Variants in MTMR7 observed in about 807,000 individuals in gnomAD.
MTMR7 encodes phosphatidylinositol-3-phosphate phosphatase MTMR7.
MTMR7 carries 76 observed loss-of-function variants against 81.2 expected under a neutral mutation model. The observed-to-expected ratio is 0.94, with a 90% CI of 0.78 to 1.13. The LOEUF (loss-of-function observed/expected upper bound fraction) is 1.13, where lower values mean the gene tolerates loss of function less well. Among genes scored for constraint, MTMR7 ranks in the 50% most tolerant of loss-of-function variants. MTMR7 has a pLI of 0.00. For synonymous variants in MTMR7, 372 were observed against 289.8 expected (o/e 1.28, Z -2.88); for missense variants, 1,044 against 820.0 (o/e 1.27, Z -3.34).
At chr8:17,312,313 G>A (rs1406089778) in intron 8 of MTMR7, among the ~76,000 whole-genome samples, 2 of 152,220 alleles carry the variant, frequency 1.3e-5, no homozygotes, top group Middle Eastern at 3.4e-3. Flanking sequence ...AGTGGCTCAC[G>A]CATGTAATCC....
intron 7 of MTMR7, among the ~76,000 whole-genome samples, chr8:17,328,574 G>A (rs956992980): frequency 1.3e-5 from 2 of 152,086 alleles, no homozygotes; most frequent in East Asian, 1.9e-4. Context: ...TGGCGGGGGT[G>A]GGGGAGTGGA....
intron 1 of MTMR7, among the ~76,000 whole-genome samples, chr8:17,386,365 G>A (rs1820943266): frequency 6.6e-6 from 1 of 152,342 alleles, no homozygotes; most frequent in South Asian, 2.1e-4. Flanking sequence ...GCAGCAGAGT[G>A]AGACCTTGTC....
At chr8:17,312,574 C>CAAAAAAAA (rs10617081) in intron 8 of MTMR7, among the ~76,000 whole-genome samples, 10 of 87,254 alleles carry the variant, frequency 1.1e-4, no homozygotes, top group African/African-American at 4.7e-4. Context: ...GACTCCCTCT[C>CAAAAAAAA]AAAAAAAAAA....
chr8:17,383,902 C>T (rs1321938228), intron 1 of MTMR7, among the ~76,000 whole-genome samples: 1 of 152,122 alleles, frequency 6.6e-6, no homozygotes, highest in Non-Finnish European at 1.5e-5. Context: ...CCAAGCCCCA[C>T]TTCTAACCAG....
chr8:17,351,911 A>G (rs1335190088), intron 4 of MTMR7, among the ~76,000 whole-genome samples: 3 of 152,218 alleles, frequency 2.0e-5, no homozygotes, highest in Non-Finnish European at 4.4e-5. Flanking sequence ...TAAAATAACA[A>G]TCCTACCTTG....
intron 7 of MTMR7, among the ~76,000 whole-genome samples, chr8:17,318,095 G>A (rs1318701590): frequency 6.6e-6 from 1 of 152,144 alleles, no homozygotes; most frequent in African/African-American, 2.4e-5. Context: ...CACTCAGGAT[G>A]ATGATGGGAA....
At chr8:17,309,689 C>A (rs1817680021) in intron 9 of MTMR7, among the ~76,000 whole-genome samples, 1 of 152,132 alleles carries the variant, frequency 6.6e-6, no homozygotes, top group Non-Finnish European at 1.5e-5. Context: ...CATATTCGCC[C>A]AAGATCATGC....
intron 7 of MTMR7, among the ~76,000 whole-genome samples, chr8:17,322,984 G>A (rs1414022097): frequency 8.3e-6 from 1 of 120,962 alleles, no homozygotes; most frequent in Non-Finnish European, 1.6e-5. Flanking sequence ...GTCTTGCTCT[G>A]TCGCCCAGGC....
rs185160008 is a variant in MTMR7 at position 17,378,193 on chromosome 8, G to A, written c.25-4953C>T. Among the ~76,000 whole-genome samples the A allele has an allele frequency of 3.3e-5, 5 of 152,198 alleles. No individual in the cohort carries two copies. The East Asian group carries it at 9.6e-4, about 29-fold the overall frequency. On this transcript the variant is annotated intron_variant, in intron 1 of 13. Transcript: ENST00000180173. ...TTGGCAATAGTTCCTACAGGTCCCAGAGCTGTCAAAAGTAATTTTGAAGAT... is the reference window on the plus strand; with the variant it reads ...TTGGCAATAGTTCCTACAGGTCCCAAAGCTGTCAAAAGTAATTTTGAAGAT...
chr8:17,398,461 A>C (rs913096652), intron 1 of MTMR7, among the ~76,000 whole-genome samples: 1 of 152,186 alleles, frequency 6.6e-6, no homozygotes, highest in African/African-American at 2.4e-5. Context: ...TAGAAGAAAA[A>C]AATTAGTGAG....
chr8:17,318,137 A>T (rs576544025), intron 7 of MTMR7, among the ~76,000 whole-genome samples: 1 of 152,236 alleles, frequency 6.6e-6, no homozygotes, highest in Admixed American at 6.5e-5. Context: ...GCATGAGGAA[A>T]ACAAAAATCT....
At chr8:17,362,224 C>T (rs572872710) in intron 3 of MTMR7, among the ~76,000 whole-genome samples, 30 of 152,250 alleles carry the variant, frequency 2.0e-4, no homozygotes, top group African/African-American at 7.0e-4. Flanking sequence ...TCAACATGTG[C>T]ATGATATAAA....
At chr8:17,340,266 C>A (rs1819366043) in intron 6 of MTMR7, among the ~76,000 whole-genome samples, 1 of 152,184 alleles carries the variant, frequency 6.6e-6, no homozygotes, top group East Asian at 1.9e-4. Context: ...ATTCTTTTAA[C>A]AAGATTAAAC....
intron 1 of MTMR7, among the ~76,000 whole-genome samples, chr8:17,373,887 T>C (rs1820494676): frequency 1.3e-5 from 2 of 152,208 alleles, no homozygotes; most frequent in South Asian, 4.1e-4. Context: ...AGCATACCTC[T>C]CTCATATGCA....
At chr8:17,317,875 C>G (rs2150501954) in intron 7 of MTMR7, among the ~76,000 whole-genome samples, 1 of 152,212 alleles carries the variant, frequency 6.6e-6, no homozygotes, top group South Asian at 2.1e-4. Context: ...TTTCCATGAC[C>G]TCCTCTTTCA....
At chr8:17,394,765 G>A (rs559878328) in intron 1 of MTMR7, among the ~76,000 whole-genome samples, 3 of 152,222 alleles carry the variant, frequency 2.0e-5, no homozygotes, top group Non-Finnish European at 4.4e-5. Context: ...TTAACTGAGT[G>A]TCTGACATCA....
At chr8:17,378,292 T>A (rs1387577938) in intron 1 of MTMR7, among the ~76,000 whole-genome samples, 1 of 152,206 alleles carries the variant, frequency 6.6e-6, no homozygotes, top group Non-Finnish European at 1.5e-5. Flanking sequence ...CAATTAAAAA[T>A]GAATTATAAA....
intron 13 of MTMR7, 188 bp from the exon 14 acceptor site, chr8:17,300,412 A>G (rs1817038663): frequency 1.6e-6 from 1 of 614,396 alleles, no homozygotes; most frequent in African/African-American, 1.8e-5. Flanking sequence ...CTTTATCTCT[A>G]ATGTAAGGAT....
chr8:17,335,546 C>A (rs1219202561), intron 6 of MTMR7, among the ~76,000 whole-genome samples: 1 of 152,200 alleles, frequency 6.6e-6, no homozygotes, highest in African/African-American at 2.4e-5. Flanking sequence ...AGTGCCTACG[C>A]TGACATGGTT....
Sources: allele counts gnomAD v4.1 joint callset (sites outside exome capture counted in the v4.1 genomes callset), GRCh38; gene constraint gnomAD v4.1.1; transcripts MANE v1.5; gene names NCBI Gene and HGNC (gene_info 2026-07-23, HGNC 2026-07-21).